Variants in GLO1 observed in about 807,000 individuals in gnomAD.
GLO1 encodes lactoylglutathione lyase.
GLO1 carries 28 observed loss-of-function variants against 26.0 expected under a neutral mutation model. The ratio of observed to expected loss-of-function variants is 1.08; its 90% CI spans 0.80 to 1.48. The LOEUF (loss-of-function observed/expected upper bound fraction) is 1.48. Among genes scored for constraint, GLO1 ranks in the 40% most tolerant of loss-of-function variants. The pLI, the probability that GLO1 is intolerant of heterozygous loss-of-function variation, is 0.00. For missense variants in GLO1, 225 were observed against 224.8 expected (o/e 1.00, Z -0.01); for synonymous variants, 78 against 77.6 (o/e 1.00, Z -0.03).
chr6:38,698,657 CT>C (rs34080103), intron 1 of GLO1, among the ~76,000 whole-genome samples: 8,779 of 109,888 alleles, frequency 0.08, 205 homozygotes, highest in Middle Eastern at 0.15. Flanking sequence ...AGAACCTGAC[CT>C]TTTTTTTTTT....
chr6:38,693,819 T>C (rs896193826), intron 1 of GLO1, among the ~76,000 whole-genome samples: 5 of 151,986 alleles, frequency 3.3e-5, no homozygotes, highest in Admixed American at 2.0e-4. Flanking sequence ...CACGCCATTC[T>C]CCTGCTTCAG....
intron 2 of GLO1, among the ~76,000 whole-genome samples, chr6:38,686,512 A>G (rs1761461777): frequency 6.6e-6 from 1 of 152,250 alleles, no homozygotes; most frequent in African/African-American, 2.4e-5. Context: ...ACAGATGGTC[A>G]GTTTTAAGTA....
At chr6:38,696,739 G>C (rs1761616028) in intron 1 of GLO1, among the ~76,000 whole-genome samples, 1 of 152,182 alleles carries the variant, frequency 6.6e-6, no homozygotes, top group South Asian at 2.1e-4. Flanking sequence ...TCAGTCTGCA[G>C]AAAGGAGAAG....
chr6:38,701,678 T>G (rs1761701140), intron 1 of GLO1, among the ~76,000 whole-genome samples: 1 of 152,160 alleles, frequency 6.6e-6, no homozygotes, highest in South Asian at 2.1e-4. Flanking sequence ...GACTAACATT[T>G]TTCCTAAGCC....
intron 1 of GLO1, among the ~76,000 whole-genome samples, chr6:38,693,683 CTCTATA>C (rs57417853): frequency 0.091 from 7,455 of 82,264 alleles, 387 homozygotes; most frequent in African/African-American, 0.2. Context: ...CTCTCTCTCT[CTCTATA>C]TATATATATA....
chr6:38,693,683 C>CTATATATATATA (rs1287585297), intron 1 of GLO1, among the ~76,000 whole-genome samples: 7 of 82,456 alleles, frequency 8.5e-5, no homozygotes, highest in Admixed American at 3.6e-4. Flanking sequence ...CTCTCTCTCT[C>CTATATATATATA]TCTATATATA....
At chr6:38,685,581 TAG>T (rs1224998410) in intron 2 of GLO1, among the ~76,000 whole-genome samples, 3 of 152,190 alleles carry the variant, frequency 2.0e-5, no homozygotes, top group Admixed American at 6.5e-5. Context: ...TGCTATATAA[TAG>T]ACCTTGGCCC....
intron 1 of GLO1, among the ~76,000 whole-genome samples, chr6:38,693,662 T>G (rs1325984984): frequency 1.0e-5 from 1 of 99,594 alleles, no homozygotes; most frequent in African/African-American, 5.1e-5. Context: ...CATTCAGCTC[T>G]CTCTCTCTCT....
intron 1 of GLO1, among the ~76,000 whole-genome samples, chr6:38,697,720 C>T (rs1157538981): frequency 3.3e-5 from 5 of 152,190 alleles, no homozygotes; most frequent in Admixed American, 1.3e-4. Context: ...GGTTTGTTAA[C>T]TCTTTATTAC....
intron 1 of GLO1, among the ~76,000 whole-genome samples, chr6:38,693,786 C>G (rs1761568332): frequency 6.6e-6 from 1 of 151,868 alleles, no homozygotes; most frequent in African/African-American, 2.4e-5. Context: ...TCTCGGCTCA[C>G]TGCAAGCTCC....
chr6:38,693,754 A>C (rs955040874), intron 1 of GLO1, among the ~76,000 whole-genome samples: 1 of 150,844 alleles, frequency 6.6e-6, no homozygotes, highest in African/African-American at 2.4e-5. Context: ...TCTGTCACCC[A>C]GGCTGGAGTG....
intron 1 of GLO1, 62 bp from the exon 2 acceptor site, chr6:38,687,036 G>A: frequency 3.3e-6 from 5 of 1,537,792 alleles, no homozygotes; most frequent in Non-Finnish European, 4.4e-6. Context: ...AACATTAATT[G>A]TGCTTTCTGT....
intron 1 of GLO1, among the ~76,000 whole-genome samples, chr6:38,699,020 G>A (rs1197073911): frequency 1.3e-5 from 2 of 152,150 alleles, no homozygotes; most frequent in Non-Finnish European, 2.9e-5. Flanking sequence ...ACTCAAAGCT[G>A]TCTCCACAAT....
chr6:38,683,257 T>C (rs1257461852), intron 3 of GLO1: 1 of 167,164 alleles, frequency 6.0e-6, no homozygotes, highest in African/African-American at 2.4e-5. Flanking sequence ...TAAGCCTGCC[T>C]GATTCCAAAG....
intron 1 of GLO1, among the ~76,000 whole-genome samples, chr6:38,702,132 C>A (rs1362924490): frequency 2.0e-5 from 3 of 152,012 alleles, no homozygotes; most frequent in African/African-American, 4.8e-5. Flanking sequence ...GGGGTTTCAC[C>A]GTGTTAGGAT....
At chr6:38,695,069 A>C (rs1223035520) in intron 1 of GLO1, among the ~76,000 whole-genome samples, 5 of 152,124 alleles carry the variant, frequency 3.3e-5, no homozygotes, top group Non-Finnish European at 5.9e-5. Flanking sequence ...TTGTCTCTTA[A>C]TGTATTTGTA....
At chr6:38,683,636 C>T (rs1761416485) in intron 3 of GLO1, among the ~76,000 whole-genome samples, 1 of 152,098 alleles carries the variant, frequency 6.6e-6, no homozygotes. Flanking sequence ...GCCTGTAATC[C>T]CAGCACTTTG....
At chr6:38,680,479 C>A (rs988461877) in intron 5 of GLO1, among the ~76,000 whole-genome samples, 1 of 152,186 alleles carries the variant, frequency 6.6e-6, no homozygotes, top group Admixed American at 6.5e-5. Context: ...CAAGACCGTG[C>A]CATTGCACTC....
At chr6:38,686,222 T>A (rs1185045788) in intron 2 of GLO1, among the ~76,000 whole-genome samples, 3 of 152,372 alleles carry the variant, frequency 2.0e-5, no homozygotes, top group East Asian at 1.9e-4. Context: ...TATAGACATA[T>A]ATTACTTAAA....
Sources: allele counts gnomAD v4.1 joint callset (sites outside exome capture counted in the v4.1 genomes callset), GRCh38; gene constraint gnomAD v4.1.1; transcripts MANE v1.5; gene names NCBI Gene and HGNC (gene_info 2026-07-23, HGNC 2026-07-21).